SPATA1: variants seen among roughly 807,000 people sequenced by gnomAD.
The protein encoded by SPATA1 is spermatogenesis-associated protein 1.
SPATA1 carries 57 observed loss-of-function variants against 59.6 expected under a neutral mutation model. The observed-to-expected ratio is 0.96, with a 90% CI of 0.77 to 1.19. The LOEUF is 1.19. Ranked by LOEUF, SPATA1 falls within the 50% of genes most tolerant of loss-of-function variation. SPATA1 has a pLI of 0.00. For synonymous variants in SPATA1, 147 were observed against 163.9 expected (o/e 0.90, Z 0.79); for missense variants, 448 against 480.7 (o/e 0.93, Z 0.64).
At chr1:84,541,464 C>CTTTTTTTTT (rs1266309414) in intron 8 of SPATA1, among the ~76,000 whole-genome samples, 1 of 151,502 alleles carries the variant, frequency 6.6e-6, no homozygotes, top group Non-Finnish European at 1.5e-5. Flanking sequence ...GTTTTTCTTA[C>CTTTTTTTTT]TATATTTTTG....
chr1:84,524,273 CA>C (rs1041398837), intron 4 of SPATA1, among the ~76,000 whole-genome samples: 1 of 152,014 alleles, frequency 6.6e-6, no homozygotes. Flanking sequence ...ATAAATGGTA[CA>C]TTTTTTTAAT....
chr1:84,510,696 G>A (rs1306568445), intron 1 of SPATA1, among the ~76,000 whole-genome samples: 2 of 152,142 alleles, frequency 1.3e-5, no homozygotes, highest in African/African-American at 4.8e-5. Context: ...GTATATCGAG[G>A]TATCAGCACT....
At chr1:84,563,627 C>A (rs931065310) in intron 4 of SPATA1, 8 of 717,170 alleles carry the variant, frequency 1.1e-5, no homozygotes, top group African/African-American at 1.9e-5. Context: ...ATTTTTATCT[C>A]AAACTATATT....
chr1:84,554,674 A>G (rs188261662), downstream of SPATA1: 22 of 192,030 alleles, frequency 1.1e-4, no homozygotes, highest in East Asian at 2.9e-3. Flanking sequence ...ATCAGCATTG[A>G]TTCGTGAGCA....
chr1:84,543,261 C>T (rs1363089671), intron 8 of SPATA1, among the ~76,000 whole-genome samples: 4 of 151,876 alleles, frequency 2.6e-5, no homozygotes, highest in Non-Finnish European at 5.9e-5. Context: ...AATTCAAGAT[C>T]GATAAAGTGA....
chr1:84,507,778 G>C (rs1682336791), intron 1 of SPATA1, among the ~76,000 whole-genome samples: 1 of 151,948 alleles, frequency 6.6e-6, no homozygotes, highest in South Asian at 2.1e-4. Context: ...AGATTTTAGG[G>C]AATATATGGT....
chr1:84,551,352 C>T, intron 12 of SPATA1: 1 of 825,386 alleles, frequency 1.2e-6, no homozygotes, highest in Non-Finnish European at 1.5e-6. Context: ...GTACTGTCCT[C>T]GGTTTCAGAT....
At chr1:84,517,478 C>T (rs149717428) in intron 2 of SPATA1, among the ~76,000 whole-genome samples, 1 of 152,138 alleles carries the variant, frequency 6.6e-6, no homozygotes, top group Non-Finnish European at 1.5e-5. Context: ...TAACTGACAT[C>T]GCCACTTGGA....
At chr1:84,513,701 G>A (rs1682672803) in intron 1 of SPATA1, among the ~76,000 whole-genome samples, 1 of 152,118 alleles carries the variant, frequency 6.6e-6, no homozygotes, top group Non-Finnish European at 1.5e-5. Flanking sequence ...TCCTCAGTTT[G>A]CTTCTCACTA....
chr1:84,551,417 A>G (rs1317698746), intron 12 of SPATA1: 10 of 484,702 alleles, frequency 2.1e-5, no homozygotes, highest in Non-Finnish European at 5.4e-6. Flanking sequence ...GCACTGTCCA[A>G]CAGAACTTAT....
intron 6 of SPATA1, among the ~76,000 whole-genome samples, chr1:84,528,790 C>A: frequency 1.3e-5 from 2 of 152,248 alleles, no homozygotes; most frequent in Admixed American, 1.3e-4. Flanking sequence ...TTTTCCAAAG[C>A]GGTAGTACCC....
At chr1:84,518,408 A>T (rs1040115627) in intron 2 of SPATA1, among the ~76,000 whole-genome samples, 1 of 152,156 alleles carries the variant, frequency 6.6e-6, no homozygotes, top group South Asian at 2.1e-4. Flanking sequence ...ATGGATGCCA[A>T]ATAATTTAGG....
chr1:84,560,554 A>G (rs1684574563), intron 4 of SPATA1, among the ~76,000 whole-genome samples: 1 of 152,252 alleles, frequency 6.6e-6, no homozygotes. Context: ...ATGATCAAAC[A>G]CATTTTAAAA....
chr1:84,563,811 A>T (rs1371248297), intron 4 of SPATA1: 1 of 1,607,398 alleles, frequency 6.2e-7, no homozygotes, highest in Non-Finnish European at 8.5e-7. Flanking sequence ...ATTAATGCTC[A>T]TCTTGATGTA....
intron 12 of SPATA1, chr1:84,551,232 A>G (rs1684261376): frequency 1.0e-6 from 1 of 985,146 alleles, no homozygotes. Context: ...AACGATAATT[A>G]TATGAATGCT....
chr1:84,524,693 C>T (rs953071182), intron 4 of SPATA1, among the ~76,000 whole-genome samples: 2 of 152,158 alleles, frequency 1.3e-5, no homozygotes, highest in African/African-American at 4.8e-5. Flanking sequence ...TTTCACATAG[C>T]TGGCTGTTTC....
chr1:84,565,711 A>T, intron 4 of SPATA1, 150 bp from the exon 14 acceptor site: 1 of 419,910 alleles, frequency 2.4e-6, no homozygotes, highest in Non-Finnish European at 3.7e-6. Flanking sequence ...AGTGATTTTT[A>T]CATGTTTGAA....
intron 1 of SPATA1, among the ~76,000 whole-genome samples, chr1:84,515,782 T>A (rs1320672976): frequency 6.6e-6 from 1 of 152,142 alleles, no homozygotes; most frequent in Non-Finnish European, 1.5e-5. Context: ...TATTGAGGCA[T>A]CAAAGCCCAG....
At chr1:84,551,877 G>C (rs368518965) in intron 12 of SPATA1, 18 of 152,204 alleles carry the variant, frequency 1.2e-4, no homozygotes, top group African/African-American at 4.3e-4. Context: ...CAGAGGCTTG[G>C]ATTATGACTC....
Sources: gnomAD v4.1 joint callset for allele counts (sites outside exome capture counted in the v4.1 genomes callset) on GRCh38, gnomAD v4.1.1 for gene constraint, MANE v1.5 for transcripts, NCBI Gene and HGNC (gene_info 2026-07-23, HGNC 2026-07-21) for gene names.